Variants in WSCD2 observed in about 807,000 individuals in gnomAD.
The protein encoded by WSCD2 is WSC domain sialate O sulfotransferase 2.
A neutral mutation model predicts 55.7 loss-of-function variants in WSCD2; 28 were observed. The observed-to-expected ratio is 0.50, with a 90% CI of 0.37 to 0.69. The LOEUF is 0.69. Among genes scored for constraint, WSCD2 ranks in the 30% least tolerant of loss-of-function variants. WSCD2 has a pLI of 0.00. For synonymous variants in WSCD2, 301 were observed against 301.9 expected (o/e 1.00, Z 0.03); for missense variants, 616 against 762.1 (o/e 0.81, Z 2.26).
chr12:108,245,364 A>G (rs993737027), intron 8 of WSCD2, among the ~76,000 whole-genome samples: 3 of 152,168 alleles, frequency 2.0e-5, no homozygotes, highest in African/African-American at 7.2e-5. Flanking sequence ...ATAGCTCCCA[A>G]CGCCCAAGAA....
intron 4 of WSCD2, among the ~76,000 whole-genome samples, chr12:108,211,682 C>T (rs568622141): frequency 2.5e-4 from 36 of 146,050 alleles, no homozygotes; most frequent in African/African-American, 9.1e-4. Flanking sequence ...GAGACAGAGC[C>T]TCACACTGTT....
At chr12:108,180,051 A>T (rs12161784) in intron 1 of WSCD2, among the ~76,000 whole-genome samples, 2 of 10,252 alleles carry the variant, frequency 2.0e-4, no homozygotes, top group Non-Finnish European at 5.9e-4. Flanking sequence ...TCAAAAAAAC[A>T]AAAAAAAAAA....
rs148801083 is a variant in WSCD2 at position 108,216,094 on chromosome 12, A to G, written c.682+5789A>G. On this transcript the variant is annotated intron_variant, in intron 4 of 8. Transcript: ENST00000547525. ...CTGGAATGGGGGTCTATGGAGCCCA[A>G]CTTGTTAAAATTGAGCAGATCTTCT... Among the ~76,000 whole-genome samples, 579 of 152,314 alleles carry G rather than the reference A, an allele frequency of 3.8e-3. 3 individuals carry two copies. The highest frequency in any genetic ancestry group is 0.012 in the African/African-American group (495 of 41,564).
intron 1 of WSCD2, among the ~76,000 whole-genome samples, chr12:108,156,132 G>A (rs1878485262): frequency 1.3e-5 from 2 of 152,198 alleles, no homozygotes; most frequent in Admixed American, 6.5e-5. Context: ...TTGGCTTTGC[G>A]TTGTGTGAAT....
chr12:108,240,663 CCCTGGAGGACAT>C (rs1203868036), intron 8 of WSCD2, 119 bp downstream of exon 8: 2 of 1,185,976 alleles, frequency 1.7e-6, no homozygotes, highest in South Asian at 3.0e-5. Context: ...ATGCGAGGAA[CCCTGGAGGACAT>C]CCTGGAGGGC....
chr12:108,218,732 C>A (rs1887129813), intron 4 of WSCD2, among the ~76,000 whole-genome samples: 2 of 152,198 alleles, frequency 1.3e-5, no homozygotes, highest in Admixed American at 1.3e-4. Flanking sequence ...CTTTCACATA[C>A]CCACAGTCAG....
intron 1 of WSCD2, among the ~76,000 whole-genome samples, chr12:108,162,382 T>A (rs2136943023): frequency 6.6e-6 from 1 of 152,220 alleles, no homozygotes; most frequent in Non-Finnish European, 1.5e-5. Flanking sequence ...GAAAATGGGC[T>A]GGGGGATCCC....
rs913165705 is a variant in WSCD2 at position 108,246,674 on chromosome 12, A to G, written c.1346-1317A>G. Among the ~76,000 whole-genome samples the G allele has an allele frequency of 3.5e-4, 53 of 152,328 alleles. 1 individual carries two copies. Among genetic ancestry groups the G allele is most frequent in the African/African-American group, 1.2e-3 (51 of 41,568 alleles). On this transcript the variant is annotated intron_variant, in intron 8 of 8. Transcript: ENST00000547525. ...ACCCTCCAAGTTTGCATGACAATCC[A>G]TCCTGTCATTTCACCATGACACTTC...
At chr12:108,132,238 T>C (rs573637890) in intron 1 of WSCD2, among the ~76,000 whole-genome samples, 1 of 152,248 alleles carries the variant, frequency 6.6e-6, no homozygotes, top group Admixed American at 6.5e-5. Flanking sequence ...AGTGAATTCA[T>C]GGGGAACAGG....
intron 7 of WSCD2, among the ~76,000 whole-genome samples, chr12:108,239,396 C>A (rs1889527043): frequency 6.6e-6 from 1 of 152,218 alleles, no homozygotes; most frequent in Non-Finnish European, 1.5e-5. Context: ...GCTGACTGGG[C>A]TGCCCACCTC....
Position 108,159,806 on chromosome 12 carries a change from C to T in WSCD2, c.-552+29880C>T, listed in dbSNP as rs571482174. Among the ~76,000 whole-genome samples, 23 of 152,294 alleles carry T rather than the reference C, an allele frequency of 1.5e-4. 1 individual carries two copies. Among genetic ancestry groups the T allele is most frequent in the Middle Eastern group, 3.4e-3 (1 of 294 alleles). On this transcript the variant is annotated intron_variant, in intron 1 of 8. Coordinates refer to ENST00000547525, the MANE Select transcript of WSCD2 (RefSeq NM_014653.4). Reference sequence around the variant, plus strand: ...GCTGGGGAATGCAGGCGTGGGAGGACGGTCCTTGCCATCATTTGTTTTTCT... The same window carrying T: ...GCTGGGGAATGCAGGCGTGGGAGGATGGTCCTTGCCATCATTTGTTTTTCT...
At chr12:108,207,510 C>G (rs1885548171) in intron 3 of WSCD2, among the ~76,000 whole-genome samples, 1 of 147,572 alleles carries the variant, frequency 6.8e-6, no homozygotes, top group Non-Finnish European at 1.5e-5. Context: ...GCTGGGACTA[C>G]AGGCGCATGC....
intron 1 of WSCD2, among the ~76,000 whole-genome samples, chr12:108,193,139 T>C (rs1883399533): frequency 6.6e-6 from 1 of 152,340 alleles, no homozygotes; most frequent in South Asian, 2.1e-4. Flanking sequence ...AAAATAGATA[T>C]AGGTCTCCCT....
intron 4 of WSCD2, among the ~76,000 whole-genome samples, chr12:108,223,274 A>G (rs1887727897): frequency 6.6e-6 from 1 of 152,180 alleles, no homozygotes. Flanking sequence ...TATCCTTCAC[A>G]CCTACTGTCC....
rs200772431 is a variant in WSCD2, at chr12:108,210,166, C to T, written c.543C>T (p.Cys181=). The T allele has an allele frequency of 2.7e-4, 435 of 1,614,098 alleles. No homozygotes were observed. The highest frequency in any genetic ancestry group is 1.1e-3 in the Admixed American group (68 of 60,026). Residue 181 remains cysteine (C), a synonymous_variant, in exon 4 of 9, where the codon TGC becomes TGT. Coordinates refer to ENST00000547525, the MANE Select transcript of WSCD2 (RefSeq NM_014653.4). This position sits in a 1 kb window ranked among gnomAD's most constrained non-coding sequence, Gnocchi z 4.3. ...TGGAGTTCGGCGCCGAGTGCTACTGCGGCCACAAGATCCAGGCGACGAACG... is the reference window on the plus strand; with the variant it reads ...TGGAGTTCGGCGCCGAGTGCTACTGTGGCCACAAGATCCAGGCGACGAACG... The part of the protein sequence containing the change: ...GGLEFGAECY[C]GHKIQATNVS...
intron 8 of WSCD2, among the ~76,000 whole-genome samples, chr12:108,246,006 T>C (rs1466032862): frequency 6.6e-6 from 1 of 152,208 alleles, no homozygotes; most frequent in Non-Finnish European, 1.5e-5. Context: ...GTTGCAAATT[T>C]CAATTTAGTT....
chr12:108,174,919 C>T (rs969697117), intron 1 of WSCD2, among the ~76,000 whole-genome samples: 17 of 152,304 alleles, frequency 1.1e-4, no homozygotes, highest in Middle Eastern at 3.4e-3. Flanking sequence ...CACCATGCTC[C>T]GCCTCCTTGA....
In WSCD2 at chr12:108,175,926, G is replaced by A. The variant is rs559836132; in HGVS notation, c.-551-19356G>A. On this transcript the variant is annotated intron_variant, in intron 1 of 8. Transcript: ENST00000547525. ...ACGATCTTGGCTCACTGCAAGCTCC[G>A]CCTCCTGGGTTCATGCCATTCTCCT... Among the ~76,000 whole-genome samples, 70 of 152,064 alleles carry A rather than the reference G, an allele frequency of 4.6e-4. 1 individual carries two copies. Among genetic ancestry groups the A allele is most frequent in the Admixed American group, 1.9e-3 (29 of 15,278 alleles).
At chr12:108,161,019 C>A (rs1007073924) in intron 1 of WSCD2, among the ~76,000 whole-genome samples, 1 of 152,194 alleles carries the variant, frequency 6.6e-6, no homozygotes. Context: ...TGTATGGAAG[C>A]AGGCAGGTGT....
Sources: allele counts gnomAD v4.1 joint callset (sites outside exome capture counted in the v4.1 genomes callset), GRCh38; gene constraint gnomAD v4.1.1; non-coding constraint Gnocchi (gnomAD v3.1); transcripts MANE v1.5; gene names NCBI Gene and HGNC (gene_info 2026-07-23, HGNC 2026-07-21).